The following RPS6KA2 variants were observed in gnomAD, a reference collection of about 807,000 sequenced individuals.
RPS6KA2 encodes ribosomal protein S6 kinase alpha-2.
Under a neutral mutation model 91.8 loss-of-function variants are expected in RPS6KA2, and 42 were observed. The observed-to-expected ratio is 0.46, with a 90% CI of 0.36 to 0.59. The LOEUF (loss-of-function observed/expected upper bound fraction) is 0.59, where lower values mean the gene tolerates loss of function less well. RPS6KA2 is among the 20% of genes least tolerant of loss of function. The probability of loss-of-function intolerance (pLI) is 0.00; values close to 1 mark genes in which losing one functional copy is unlikely to be tolerated. For missense variants in RPS6KA2, 798 were observed against 978.5 expected (o/e 0.82, Z 2.46); for synonymous variants, 414 against 393.6 (o/e 1.05, Z -0.61).
chr6:166,441,588 T>G (rs1393076701), intron 14 of RPS6KA2, among the ~76,000 whole-genome samples: 1 of 152,218 alleles, frequency 6.6e-6, no homozygotes, highest in African/African-American at 2.4e-5. Context: ...TTGCAGGACC[T>G]GGCACTGGAT....
chr6:166,831,442 A>T (rs1407466317), intron 2 of RPS6KA2, among the ~76,000 whole-genome samples: 1 of 152,078 alleles, frequency 6.6e-6, no homozygotes, highest in Non-Finnish European at 1.5e-5. Context: ...CACCAGCATG[A>T]CACCTTCCCC....
intron 7 of RPS6KA2, among the ~76,000 whole-genome samples, chr6:166,499,864 G>A (rs1781961642): frequency 6.6e-6 from 1 of 152,126 alleles, no homozygotes; most frequent in Non-Finnish European, 1.5e-5. Context: ...TTTGAGAACA[G>A]ACTAATACAG....
At chr6:166,689,033 T>G (rs1789111220) in intron 2 of RPS6KA2, among the ~76,000 whole-genome samples, 1 of 152,190 alleles carries the variant, frequency 6.6e-6, no homozygotes, top group African/African-American at 2.4e-5. Flanking sequence ...CAAAGGAAAC[T>G]CCCTGAGTAC....
Position 166,453,418 on chromosome 6 carries a change from G to A in RPS6KA2, c.1076-2185C>T, listed in dbSNP as rs7744618. Among the ~76,000 whole-genome samples, 626 of 152,242 alleles carry A rather than the reference G, an allele frequency of 4.1e-3. 7 individuals carry two copies. The highest frequency in any genetic ancestry group is 0.014 in the African/African-American group (597 of 41,544). ...ATTAAAAATTGACCAGAGGACATAAGTAGACATTTTTCAAAAGAAGACATA... is the reference window on the plus strand; with the variant it reads ...ATTAAAAATTGACCAGAGGACATAAATAGACATTTTTCAAAAGAAGACATA... On this transcript the variant is annotated intron_variant, in intron 12 of 20. Coordinates refer to ENST00000265678, the MANE Select transcript of RPS6KA2 (RefSeq NM_021135.6).
intron 2 of RPS6KA2, among the ~76,000 whole-genome samples, chr6:166,807,463 C>T (rs972457734): frequency 2.6e-5 from 4 of 152,262 alleles, no homozygotes; most frequent in Non-Finnish European, 5.9e-5. Context: ...TTGCAGGTCT[C>T]CCCGCTTCTG....
chr6:166,451,375 T>TG (rs1301408775), intron 12 of RPS6KA2, 142 bp from the exon 13 acceptor site: 1 of 834,476 alleles, frequency 1.2e-6, no homozygotes, highest in Non-Finnish European at 1.9e-6. Context: ...GGCGTATGCC[T>TG]GTGGTGGAGG....
intron 1 of RPS6KA2, among the ~76,000 whole-genome samples, chr6:166,571,840 A>C (rs1341544205): frequency 5.3e-5 from 8 of 152,216 alleles, no homozygotes; most frequent in African/African-American, 7.2e-5. Context: ...AAAAATCATA[A>C]TCTTGAAACA....
chr6:166,548,398 G>GA (rs1373032228), intron 1 of RPS6KA2, among the ~76,000 whole-genome samples: 2 of 152,030 alleles, frequency 1.3e-5, no homozygotes, highest in Non-Finnish European at 2.9e-5. Flanking sequence ...ACCCAATTTT[G>GA]AAAAAACACT....
chr6:166,624,098 T>C (rs752634674), intron 1 of RPS6KA2, among the ~76,000 whole-genome samples: 1 of 152,046 alleles, frequency 6.6e-6, no homozygotes, highest in Non-Finnish European at 1.5e-5. Flanking sequence ...AAATAAAAAA[T>C]GAAAATAAAT....
intron 1 of RPS6KA2, among the ~76,000 whole-genome samples, chr6:166,577,734 A>G (rs1008391831): frequency 1.3e-5 from 2 of 152,210 alleles, no homozygotes; most frequent in East Asian, 3.8e-4. Flanking sequence ...TAATGCTGAA[A>G]TAAGTTAAGA....
intron 1 of RPS6KA2, among the ~76,000 whole-genome samples, chr6:166,589,901 A>G (rs1160283365): frequency 6.6e-6 from 1 of 152,212 alleles, no homozygotes; most frequent in East Asian, 1.9e-4. Context: ...ACCGGGAGAC[A>G]AGATCATACC....
chr6:166,454,019 G>C (rs962589155), intron 12 of RPS6KA2, among the ~76,000 whole-genome samples: 4 of 152,208 alleles, frequency 2.6e-5, no homozygotes, highest in African/African-American at 9.7e-5. Context: ...TCTGCATGTG[G>C]ATGTCGAGTG....
chr6:166,517,995 C>G (rs6902908), intron 3 of RPS6KA2, among the ~76,000 whole-genome samples: 217 of 152,244 alleles, frequency 1.4e-3, no homozygotes, highest in African/African-American at 5.0e-3. Context: ...TGTGAGACCC[C>G]TGATTTCCCA....
chr6:166,838,735 C>T (rs951430523), intron 2 of RPS6KA2, among the ~76,000 whole-genome samples: 6 of 150,602 alleles, frequency 4.0e-5, no homozygotes, highest in Non-Finnish European at 5.9e-5. Context: ...CTGGAGGACT[C>T]GGAATCTTGG....
At chr6:166,560,914 C>A (rs76213489) in intron 1 of RPS6KA2, among the ~76,000 whole-genome samples, 2 of 150,200 alleles carry the variant, frequency 1.3e-5, no homozygotes, top group African/African-American at 2.5e-5. Context: ...CCTTTTGGGG[C>A]GTATTTCTTA....
chr6:166,654,178 A>G (rs935137121), intron 2 of RPS6KA2, among the ~76,000 whole-genome samples: 1 of 152,260 alleles, frequency 6.6e-6, no homozygotes, highest in African/African-American at 2.4e-5. Flanking sequence ...TGTTTGCCTC[A>G]GAACCATTGA....
Position 166,824,729 on chromosome 6 carries a change from GTGTC to G in RPS6KA2, c.123+33467_123+33470del, listed in dbSNP as rs765401034. Among the ~76,000 whole-genome samples, 14 of 149,816 alleles carry G rather than the reference GTGTC, an allele frequency of 9.3e-5. No homozygotes were observed. In the South Asian group the frequency reaches 1.3e-3, roughly 14 times the overall value. ...TGTGTGTGTGTCTGTGTGTATGTCT[GTGTC>G]TGTGTGTATGTCTGTATGTCTGTGT... is the stretch of plus-strand genomic sequence containing the variant. On this transcript the variant is annotated intron_variant, in intron 2 of 21. Coordinates refer to the RPS6KA2 transcript ENST00000503859.
At chr6:166,569,973 G>C (rs1362403445) in intron 1 of RPS6KA2, among the ~76,000 whole-genome samples, 1 of 152,224 alleles carries the variant, frequency 6.6e-6, no homozygotes. Flanking sequence ...ATTCACAGAA[G>C]AGATGTCTTA....
At chr6:166,806,839 A>C (rs1321517452) in intron 2 of RPS6KA2, among the ~76,000 whole-genome samples, 2 of 152,240 alleles carry the variant, frequency 1.3e-5, no homozygotes, top group Non-Finnish European at 2.9e-5. Flanking sequence ...AAAATACATA[A>C]AGATGTGATT....
Sources: allele counts gnomAD v4.1 joint callset (sites outside exome capture counted in the v4.1 genomes callset), GRCh38; gene constraint gnomAD v4.1.1; transcripts MANE v1.5; gene names NCBI Gene and HGNC (gene_info 2026-07-23, HGNC 2026-07-21).